The following LINGO2 variants were observed in gnomAD, a reference collection of about 807,000 sequenced individuals.
The protein encoded by LINGO2 is leucine-rich repeat and immunoglobulin-like domain-containing nogo receptor-interacting protein 2.
In LINGO2, 14 loss-of-function variants were observed where a neutral mutation model predicts 30.6. That is an observed-to-expected ratio of 0.46 (90% CI 0.30 to 0.72). LINGO2 has a LOEUF of 0.72. LINGO2 is among the 30% of genes least tolerant of loss of function. The probability of loss-of-function intolerance (pLI) is 0.07; values close to 1 mark genes in which losing one functional copy is unlikely to be tolerated. For synonymous variants in LINGO2, 317 were observed against 288.5 expected (o/e 1.10, Z -1.00); for missense variants, 729 against 751.7 (o/e 0.97, Z 0.35).
intron 3 of LINGO2, among the ~76,000 whole-genome samples, chr9:28,335,367 C>G (rs1053586980): frequency 1.3e-5 from 2 of 152,090 alleles, no homozygotes; most frequent in Non-Finnish European, 2.9e-5. Context: ...GCATTGTAGC[C>G]CTAGGGCAGT....
chr9:28,455,439 G>A (rs1824807803), intron 2 of LINGO2, among the ~76,000 whole-genome samples: 3 of 151,972 alleles, frequency 2.0e-5, no homozygotes, highest in African/African-American at 7.2e-5. Context: ...ATACTGGCAT[G>A]GTGAAAATGA....
chr9:28,094,240 T>C (rs1297784736), intron 4 of LINGO2, among the ~76,000 whole-genome samples: 1 of 152,126 alleles, frequency 6.6e-6, no homozygotes, highest in Non-Finnish European at 1.5e-5. Context: ...TTAAACTATC[T>C]AGATAAGATG....
chr9:28,044,823 T>G (rs540486316), intron 4 of LINGO2, among the ~76,000 whole-genome samples: 25 of 152,236 alleles, frequency 1.6e-4, no homozygotes, highest in Middle Eastern at 3.4e-3. Context: ...GACTTTTCCG[T>G]AGGTTGAAGA....
At chr9:28,501,147 T>C (rs1448896828) in intron 1 of LINGO2, among the ~76,000 whole-genome samples, 2 of 152,250 alleles carry the variant, frequency 1.3e-5, no homozygotes, top group Non-Finnish European at 2.9e-5. Context: ...TGCAACAGTG[T>C]TGAACAAAAA....
At position 28,318,671 on chromosome 9, in the gene LINGO2, C is replaced by T. The variant is rs57088439; in HGVS notation, c.-245-23305G>A. 0.014 allele frequency among the ~76,000 whole-genome samples: 2,173 copies of T among 152,142 alleles called. 90 individuals carry two copies. In the East Asian group the frequency reaches 0.15, roughly 10 times the overall value. On this transcript the variant is annotated intron_variant, in intron 3 of 5. Coordinates refer to ENST00000379992, the Ensembl canonical transcript of LINGO2. ...TTGTATTGTCTATTGACAAGAATTC[C>T]GCCTGGCATTACTGGTCATGTGGGT... is the stretch of plus-strand genomic sequence containing the variant.
chr9:28,220,502 G>A (rs7871872), intron 4 of LINGO2, among the ~76,000 whole-genome samples: 1,900 of 152,214 alleles, frequency 0.012, 36 homozygotes, highest in African/African-American at 0.043. Flanking sequence ...TTTTTTAGAA[G>A]TAGTGTTATT....
At chr9:28,783,437 A>ATTAAAG in the LINGO2 span, among the ~76,000 whole-genome samples, 1 of 151,960 alleles carries the variant, frequency 6.6e-6, no homozygotes, top group African/African-American at 2.4e-5. Context: ...AATACTTAAT[A>ATTAAAG]TTTTTTTACT....
At chr9:28,450,518 G>A (rs1824607028) in intron 2 of LINGO2, among the ~76,000 whole-genome samples, 1 of 152,010 alleles carries the variant, frequency 6.6e-6, no homozygotes, top group Non-Finnish European at 1.5e-5. Flanking sequence ...GATTTGATTA[G>A]ATTAGGATCC....
At chr9:28,080,844 A>G (rs987633846) in intron 4 of LINGO2, 3 of 152,206 alleles carry the variant, frequency 2.0e-5, no homozygotes, top group African/African-American at 7.2e-5. Flanking sequence ...CAAATGACTG[A>G]TAGCAGATAC....
chr9:28,649,743 G>A (rs1352813832), intron 1 of LINGO2, among the ~76,000 whole-genome samples: 1 of 152,016 alleles, frequency 6.6e-6, no homozygotes, highest in Non-Finnish European at 1.5e-5. Context: ...GTTGGGAATG[G>A]GGGGAGGAGA....
intron 1 of LINGO2, among the ~76,000 whole-genome samples, chr9:28,636,848 G>C (rs1368794817): frequency 1.3e-5 from 2 of 152,096 alleles, no homozygotes; most frequent in African/African-American, 2.4e-5. Flanking sequence ...TATCAATTTT[G>C]GCTTTTGTTG....
chr9:28,605,505 C>T (rs12345941), intron 1 of LINGO2, among the ~76,000 whole-genome samples: 2,086 of 152,042 alleles, frequency 0.014, 42 homozygotes, highest in African/African-American at 0.047. Context: ...TTTAATGTAA[C>T]TATTTATATA....
intron 2 of LINGO2, among the ~76,000 whole-genome samples, chr9:28,375,015 C>G (rs1194819879): frequency 6.6e-6 from 1 of 151,518 alleles, no homozygotes; most frequent in African/African-American, 2.4e-5. Context: ...TATTCTTGGA[C>G]CTTTTCTGGA....
the LINGO2 span, among the ~76,000 whole-genome samples, chr9:29,201,853 A>T: frequency 6.6e-6 from 1 of 151,970 alleles, no homozygotes; most frequent in East Asian, 1.9e-4. Context: ...TTTCACCCCT[A>T]TTTTACATAT....
intron 2 of LINGO2, among the ~76,000 whole-genome samples, chr9:28,435,999 G>A (rs1823905469): frequency 6.6e-6 from 1 of 152,190 alleles, no homozygotes; most frequent in Admixed American, 6.5e-5. Context: ...ATTTGTGTCG[G>A]CCAGCAGTGA....
intron 4 of LINGO2, among the ~76,000 whole-genome samples, chr9:28,072,249 T>C (rs555621759): frequency 6.6e-6 from 1 of 152,346 alleles, no homozygotes; most frequent in East Asian, 1.9e-4. Context: ...GCTACTTCTC[T>C]ATTCTGCATT....
At chr9:28,264,205 A>G (rs1822665922) in intron 4 of LINGO2, among the ~76,000 whole-genome samples, 1 of 151,996 alleles carries the variant, frequency 6.6e-6, no homozygotes, top group Non-Finnish European at 1.5e-5. Flanking sequence ...CAGCTTTTCT[A>G]TAAAGTCTCA....
At position 28,383,254 on chromosome 9, in the gene LINGO2, T is replaced by TTTTGTGTGTGTGTGTG. The variant is rs1554714265; in HGVS notation, c.-278-10387_-278-10386insCACACACACACACAAA. Among the ~76,000 whole-genome samples the TTTTGTGTGTGTGTGTG allele has an allele frequency of 2.6e-4, 19 of 73,710 alleles. 1 individual carries two copies. The highest frequency in any genetic ancestry group is 5.9e-4 in the African/African-American group (17 of 28,992). 48.4% of individuals were successfully genotyped at this position (73,710 alleles called of 152,430 possible). A position where few individuals can be genotyped will look rare whatever the true frequency, so the allele number is the denominator to read the frequency against. On this transcript the variant is annotated intron_variant, in intron 2 of 5. Coordinates refer to ENST00000379992, the Ensembl canonical transcript of LINGO2. The stretch of plus-strand genomic sequence containing the variant: ...TTGAAACACTATAGATCACCATTCA[T>TTTTGTGTGTGTGTGTG]TGTGTGTGTGTGTGTGTGTGTGTGT...
chr9:28,937,981 G>A, the LINGO2 span, among the ~76,000 whole-genome samples: 26 of 152,062 alleles, frequency 1.7e-4, no homozygotes, highest in East Asian at 9.7e-4. Context: ...GTTGTTCTCC[G>A]CTACATATTT....
Sources: gnomAD v4.1 joint callset for allele counts (sites outside exome capture counted in the v4.1 genomes callset) on GRCh38, gnomAD v4.1.1 for gene constraint, MANE v1.5 for transcripts, NCBI Gene and HGNC (gene_info 2026-07-23, HGNC 2026-07-21) for gene names.